NPHP4: variants seen among roughly 807,000 people sequenced by gnomAD.
NPHP4 encodes the protein nephrocystin 4, also known as nephrocystin-4.
A neutral mutation model predicts 155.8 loss-of-function variants in NPHP4; 151 were observed. That is an observed-to-expected ratio of 0.97 (90% confidence interval 0.85 to 1.11). The LOEUF is 1.11. Ranked by LOEUF, NPHP4 falls within the 50% of genes least tolerant of loss-of-function variation. The pLI is 0.00. For synonymous variants in NPHP4, 845 were observed against 816.8 expected (o/e 1.03, Z -0.59); for missense variants, 1,956 against 1,925.7 (o/e 1.02, Z -0.29).
chr1:5,889,008 A>ACTGC lies in NPHP4; in HGVS notation c.2305-1543_2305-1542insGCAG, dbSNP rs1643970948. Reference sequence around the variant, plus strand: ...CTGGGCCTCTGTTTTCTCCACCAGAAACAAGGATAAAAACAGAACTGCCCC... The same window carrying ACTGC: ...CTGGGCCTCTGTTTTCTCCACCAGAACTGCACAAGGATAAAAACAGAACTGCCCC... On this transcript the variant is annotated intron_variant, in intron 17 of 29. Coordinates refer to ENST00000378156, the MANE Select transcript of NPHP4 (RefSeq NM_015102.5). The surrounding 1 kb of genome is among the most constrained non-coding windows in gnomAD (Gnocchi z 4.2). Among the ~76,000 whole-genome samples the ACTGC allele has an allele frequency of 2.0e-5, 3 of 152,316 alleles. No individual in the cohort carries two copies. The East Asian group carries it at 5.8e-4, about 29-fold the overall frequency.
Position 5,969,114 on chromosome 1 carries a change from G to C in NPHP4, c.425C>G (p.Ser142Cys). The C allele has an allele frequency of 6.4e-7, 1 of 1,550,738 alleles. No homozygotes were observed. The highest frequency in any genetic ancestry group is 8.7e-7 in the Non-Finnish European group (1 of 1,146,326). The change falls in exon 4 of 30, where the codon TCT (serine) becomes TGT (cysteine). Residue 142 changes from serine to cysteine, a missense_variant. Coordinates refer to ENST00000378156, the MANE Select transcript of NPHP4 (RefSeq NM_015102.5). Reference protein sequence around the residue: ...ILRIFSNQPDSPISASQDKRL... With the variant: ...ILRIFSNQPDCPISASQDKRL... ...TTTGTCCTGGGAAGCAGAGATAGGA[G>C]AGTCCGGCTGGTTGCTGAAGATCCG...
chr1:5,937,232 C>T (rs1296592052), intron 9 of NPHP4, among the ~76,000 whole-genome samples: 1 of 152,120 alleles, frequency 6.6e-6, no homozygotes, highest in Non-Finnish European at 1.5e-5. Flanking sequence ...GGCCCCACCA[C>T]ACCTGGGGTT....
In NPHP4 at chr1:5,948,233, C is replaced by G. The variant is rs754784261; in HGVS notation, c.829G>C (p.Gly277Arg). ...HFQEGCGPLD[G>R]GALEILERRL... is the part of the protein sequence containing the mutation. ...CGCTCCAGGATCTCCAGGGCACCAC[C>G]GTCCAGTGGGCCACATCCCTGGAAG... Residue 277 changes from glycine to arginine, a missense_variant, in exon 8 of 30, where the codon GGT (glycine) becomes CGT (arginine). Coordinates refer to ENST00000378156, the MANE Select transcript of NPHP4 (RefSeq NM_015102.5). 3.2e-6 allele frequency: 5 copies of G among 1,580,298 alleles called. No individual in the cohort carries two copies. The South Asian group carries it at 4.6e-5, about 14-fold the overall frequency.
At chr1:5,893,552 TC>T (rs1462190455) in intron 16 of NPHP4, among the ~76,000 whole-genome samples, 1 of 152,172 alleles carries the variant, frequency 6.6e-6, no homozygotes, top group African/African-American at 2.4e-5. Flanking sequence ...GCTCCTGCTA[TC>T]TAGAAGGCAG....
At chr1:5,982,789 C>T (rs1654914351) in intron 2 of NPHP4, among the ~76,000 whole-genome samples, 1 of 152,128 alleles carries the variant, frequency 6.6e-6, no homozygotes, top group South Asian at 2.1e-4. Context: ...CCTATTAATT[C>T]TTCTTTGATC....
At position 5,919,518 on chromosome 1, in the gene NPHP4, A is replaced by G. The variant is rs117478365; in HGVS notation, c.1441+8131T>C. Among the ~76,000 whole-genome samples the G allele has an allele frequency of 2.4e-3, 369 of 152,302 alleles. 10 individuals carry two copies. The East Asian group carries it at 0.056, about 23-fold the overall frequency. On this transcript the variant is annotated intron_variant, in intron 11 of 29. Coordinates refer to ENST00000378156, the MANE Select transcript of NPHP4 (RefSeq NM_015102.5). ...ACAGGAGCCTAACCAAGTGCCTGGCACATCACAGACTCTCCGCAAGTCTTT... is the reference window on the plus strand; with the variant it reads ...ACAGGAGCCTAACCAAGTGCCTGGCGCATCACAGACTCTCCGCAAGTCTTT...
intron 18 of NPHP4, among the ~76,000 whole-genome samples, chr1:5,883,316 C>T (rs936126767): frequency 1.3e-5 from 2 of 151,998 alleles, no homozygotes; most frequent in African/African-American, 4.8e-5. Context: ...CCGATGTTCA[C>T]GCTCCGGGCC....
At chr1:5,888,926 C>G (rs1643965725) in intron 17 of NPHP4, among the ~76,000 whole-genome samples, 1 of 152,192 alleles carries the variant, frequency 6.6e-6, no homozygotes, top group Admixed American at 6.5e-5. Context: ...GTAAATAGCA[C>G]AAGCCCCGGA....
At chr1:5,911,811 T>C (rs1362538465) in intron 11 of NPHP4, among the ~76,000 whole-genome samples, 1 of 152,186 alleles carries the variant, frequency 6.6e-6, no homozygotes, top group Non-Finnish European at 1.5e-5. Context: ...TAATGTTCGA[T>C]GTGGTTATGG....
intron 6 of NPHP4, among the ~76,000 whole-genome samples, chr1:5,957,509 C>CACT (rs1557832817): frequency 6.6e-6 from 1 of 152,110 alleles, no homozygotes; most frequent in African/African-American, 2.4e-5. Context: ...AAAACAAGAC[C>CACT]GCTGCAACAG....
chr1:5,952,580 C>T (rs1648334113), intron 7 of NPHP4, 120 bp downstream of exon 7: 1 of 133,302 alleles, frequency 7.5e-6, no homozygotes, highest in Non-Finnish European at 1.6e-5. Context: ...CCCTACCCTG[C>T]CCCACCCACC....
chr1:5,966,867 C>T (rs1020177287), intron 5 of NPHP4, among the ~76,000 whole-genome samples: 2 of 152,236 alleles, frequency 1.3e-5, no homozygotes, highest in African/African-American at 2.4e-5. Context: ...CGGCTGGTCA[C>T]TGAGGAACAG....
In NPHP4 at chr1:5,947,086, C is replaced by T. The variant is rs1172328337; in HGVS notation, c.1119+18G>A. 1.2e-6 allele frequency: 2 copies of T among 1,613,802 alleles called. No homozygotes were observed. The highest frequency in any genetic ancestry group is 1.7e-5 in the Admixed American group (1 of 60,024). ...GTTCACCACCAGAGGAAACCGAGTG[C>T]AAAAGGGCTGTTCTTACATTGCCGT... On this transcript the variant is annotated intron_variant, in intron 9 of 29. Coordinates refer to ENST00000378156, the MANE Select transcript of NPHP4 (RefSeq NM_015102.5).
intron 11 of NPHP4, 108 bp from the exon 12 acceptor site, chr1:5,909,321 G>T: frequency 1.2e-6 from 1 of 850,684 alleles, no homozygotes; most frequent in Non-Finnish European, 2.0e-6. Flanking sequence ...TCACCACCTT[G>T]TCTGTAACAG....
chr1:5,863,172 G>A lies in NPHP4; in HGVS notation c.*93C>T, dbSNP rs1640812018. On this transcript the variant is annotated 3_prime_UTR_variant, in exon 30 of 30. Transcript: ENST00000378156. ...AGCCAGGTGGGCACTGAAGTGAAAG[G>A]CTGCAGAGAGGCGGGGAGGACAGCC... 3 of 1,393,832 alleles carry A rather than the reference G, an allele frequency of 2.2e-6. No homozygotes were observed. The highest frequency in any genetic ancestry group is 2.0e-6 in the Non-Finnish European group (2 of 981,552). 86.3% of individuals were successfully genotyped at this position (1,393,832 alleles called of 1,614,324 possible). A position where few individuals can be genotyped will look rare whatever the true frequency, so the allele number is the denominator to read the frequency against.
At chr1:5,897,121 G>A (rs1557679625) in intron 16 of NPHP4, among the ~76,000 whole-genome samples, 1 of 152,194 alleles carries the variant, frequency 6.6e-6, no homozygotes, top group Non-Finnish European at 1.5e-5. Flanking sequence ...TATCGGTAGG[G>A]AAAGTTCTTT....
intron 22 of NPHP4, 125 bp downstream of exon 22, chr1:5,874,346 G>A: frequency 1.1e-6 from 1 of 941,184 alleles, no homozygotes; most frequent in South Asian, 1.9e-5. Flanking sequence ...AGGGGAGTGG[G>A]CGGCAGCCCC....
intron 11 of NPHP4, among the ~76,000 whole-genome samples, chr1:5,925,679 A>G (rs1326217341): frequency 2.0e-5 from 3 of 152,062 alleles, no homozygotes; most frequent in African/African-American, 7.2e-5. Flanking sequence ...GCAGTGGCAC[A>G]ATCTCGGCTC....
In NPHP4 at chr1:5,969,214, C is replaced by T; in HGVS notation, c.325G>A (p.Val109Met). Residue 109 changes from valine (V) to methionine (M), a missense_variant, in exon 4 of 30, where the codon GTG becomes ATG. Transcript: ENST00000378156. ...TSLNHPHIVA[V>M]VEVVAEGKKR... is the part of the protein sequence containing the mutation. ...TTGCCCTCAGCGACCACTTCCACCA[C>T]AGCCACGATATGAGGGTGGTTTAGG... The T allele has an allele frequency of 6.3e-7, 1 of 1,584,606 alleles. No individual in the cohort carries two copies. The highest frequency in any genetic ancestry group is 8.6e-7 in the Non-Finnish European group (1 of 1,162,884).
Sources: allele counts gnomAD v4.1 joint callset (sites outside exome capture counted in the v4.1 genomes callset), GRCh38; gene constraint gnomAD v4.1.1; non-coding constraint Gnocchi (gnomAD v3.1); transcripts MANE v1.5; gene names NCBI Gene and HGNC (gene_info 2026-07-23, HGNC 2026-07-21).